Variants in NEB observed in about 807,000 individuals in gnomAD.
The protein encoded by NEB is nebulin.
NEB carries 512 observed loss-of-function variants against 952.2 expected under a neutral mutation model. The observed-to-expected ratio is 0.54, with a 90% CI of 0.50 to 0.58. NEB has a LOEUF of 0.58. NEB is among the 20% of genes least tolerant of loss of function. NEB has a pLI of 0.00. For missense variants in NEB, 8,428 were observed against 9,231.1 expected, an observed-to-expected ratio of 0.91 and a Z score of 3.56; for synonymous variants, 2,900 against 3,149.8, an observed-to-expected ratio of 0.92 and a Z score of 2.66.
intron 173 of NEB, among the ~76,000 whole-genome samples, chr2:151,494,627 C>CTGTT (rs758679628): frequency 6.6e-6 from 1 of 151,938 alleles, no homozygotes; most frequent in Non-Finnish European, 1.5e-5. Flanking sequence ...AATACATCAG[C>CTGTT]TGTTTGTTTT....
At chr2:151,609,717 C>G in intron 81 of NEB, 92 bp downstream of exon 81, 1 of 1,278,542 alleles carries the variant, frequency 7.8e-7, no homozygotes, top group Non-Finnish European at 1.1e-6. Flanking sequence ...GTGCAGTGCA[C>G]AGCCCAGGGG....
chr2:151,644,674 G>A, intron 55 of NEB, 99 bp from the exon 56 acceptor site: 3 of 962,834 alleles, frequency 3.1e-6, no homozygotes, highest in East Asian at 2.5e-5. Context: ...CATGAGAATA[G>A]CATCTGTGCC....
chr2:151,570,478 G>A lies in NEB; in HGVS notation c.17118+19C>T. On this transcript the variant is annotated intron_variant, in intron 108 of 181. Transcript: ENST00000397345. ...TCGGCTGAAAAAAAAAAACTGAGAA[G>A]TTAAAAAAGGCCACTCACGTCACTG... 1 of 1,585,410 alleles carries A rather than the reference G, an allele frequency of 6.3e-7. No individual in the cohort carries two copies. Among genetic ancestry groups the A allele is most frequent in the Non-Finnish European group, 8.5e-7 (1 of 1,170,216 alleles).
intron 126 of NEB, 33 bp downstream of exon 126, chr2:151,553,795 C>A: frequency 6.4e-7 from 1 of 1,570,930 alleles, no homozygotes; most frequent in South Asian, 1.2e-5. Flanking sequence ...GGGGCGGGGC[C>A]GTGGAGGGGT....
chr2:151,536,977 T>TAG lies in NEB; in HGVS notation c.21207+154_21207+155insCT, dbSNP rs2093311141. On this transcript the variant is annotated intron_variant, in intron 141 of 181. Coordinates refer to ENST00000397345, the MANE Select transcript of NEB (RefSeq NM_001164508.2). ...GTCAATGAGATTAAAACCCAAGAGTTTCCTAGCAGTGAACAAGTAAGTATG... is the reference window on the plus strand; with the variant it reads ...GTCAATGAGATTAAAACCCAAGAGTTAGTCCTAGCAGTGAACAAGTAAGTATG... Among the ~76,000 whole-genome samples, 3 of 152,128 alleles carry TAG rather than the reference T, an allele frequency of 2.0e-5. No individual in the cohort carries two copies. The East Asian group carries it at 5.8e-4, about 29-fold the overall frequency.
chr2:151,526,067 T>C lies in NEB; in HGVS notation c.22052A>G (p.Asn7351Ser). 1 of 1,613,752 alleles carries C rather than the reference T, an allele frequency of 6.2e-7. No individual in the cohort carries two copies. Among genetic ancestry groups the C allele is most frequent in the Non-Finnish European group, 8.5e-7 (1 of 1,179,628 alleles). Residue 7351 changes from asparagine to serine, a missense_variant and splice_region_variant, in exon 150 of 182, where the codon AAC becomes AGC. By Grantham distance (46) the Asn-to-Ser change is conservative. This residue lies in a region of NEB where 3,374 missense variants were observed against 3,651.5 expected (regional missense o/e 0.92). Coordinates refer to ENST00000397345, the MANE Select transcript of NEB (RefSeq NM_001164508.2). Reference protein sequence around the residue: ...AKTVSNLVSENKYKDHVKKHL... With the variant: ...AKTVSNLVSESKYKDHVKKHL... ...CTTCTTGACATGGTCCTTGTACTTG[T>C]TCTGGGGGAATCCATAGAGAGCTCA... is the stretch of plus-strand genomic sequence containing the variant.
At position 151,525,939 on chromosome 2, in the gene NEB, C is replaced by T. The variant is rs780036345; in HGVS notation, c.22161+19G>A. 5.0e-6 allele frequency: 8 copies of T among 1,588,812 alleles called. No homozygotes were observed. The highest frequency in any genetic ancestry group is 6.9e-6 in the Non-Finnish European group (8 of 1,156,992). On this transcript the variant is annotated intron_variant, in intron 150 of 181. Transcript: ENST00000397345. ...AAGTGGCATTGTTGCTGCCAAGAGA[C>T]CGGTGGTTGATCACTTACATCACTG...
At chr2:151,631,616 AT>A (rs2098669583) in intron 65 of NEB, among the ~76,000 whole-genome samples, 1 of 152,196 alleles carries the variant, frequency 6.6e-6, no homozygotes, top group Non-Finnish European at 1.5e-5. Context: ...CATTATCATA[AT>A]TATAACATCC....
At chr2:151,534,229 C>G in intron 142 of NEB, 1 of 1,613,370 alleles carries the variant, frequency 6.2e-7, no homozygotes, top group Non-Finnish European at 8.5e-7. Flanking sequence ...CTGATCTGGT[C>G]GCCTGCGGTC....
chr2:151,505,882 T>C, intron 164 of NEB: 1 of 545,742 alleles, frequency 1.8e-6, no homozygotes, highest in Non-Finnish European at 3.3e-6. Flanking sequence ...GATAAACAGA[T>C]TGACATACAT....
intron 168 of NEB, 111 bp from the exon 169 acceptor site, chr2:151,499,501 G>T: frequency 1.5e-6 from 1 of 654,852 alleles, no homozygotes; most frequent in South Asian, 1.6e-5. Context: ...AGAAAAGACA[G>T]ATTCAACAAG....
intron 13 of NEB, among the ~76,000 whole-genome samples, chr2:151,705,221 C>T (rs768601398): frequency 4.6e-5 from 7 of 152,094 alleles, no homozygotes; most frequent in Non-Finnish European, 5.9e-5. Flanking sequence ...AACTCTTCTT[C>T]TCTGCCAGGA....
At chr2:151,573,754 T>C (rs1205080227) in intron 107 of NEB, among the ~76,000 whole-genome samples, 1 of 152,214 alleles carries the variant, frequency 6.6e-6, no homozygotes, top group African/African-American at 2.4e-5. Flanking sequence ...CATACTATTC[T>C]ACACACAAGT....
intron 27 of NEB, among the ~76,000 whole-genome samples, chr2:151,686,524 A>T (rs2148908114): frequency 1.3e-5 from 2 of 152,354 alleles, no homozygotes; most frequent in South Asian, 4.1e-4. Flanking sequence ...CTATATACTG[A>T]CATAATTCAC....
chr2:151,555,111 C>A, intron 124 of NEB, 67 bp from the exon 125 acceptor site: 1 of 1,150,234 alleles, frequency 8.7e-7, no homozygotes, highest in Non-Finnish European at 1.3e-6. Context: ...ATTAAAACAG[C>A]ATAAGACTTA....
rs1185596471 is a variant in NEB at position 151,643,950 on chromosome 2, C to A, written c.7824G>T (p.Gly2608=). 6.2e-7 allele frequency: 1 copy of A among 1,613,766 alleles called. No individual in the cohort carries two copies. Among genetic ancestry groups the A allele is most frequent in the East Asian group, 2.2e-5 (1 of 44,882 alleles). ...TKFSSPVDML[G]VVLAKKCQTL... ...TCTGGCACTTCTTGGCCAACACCAC[C>A]CCCAGCATGTCCACTGGGCTGCTGA... The change falls in exon 57 of 182, where the codon GGG becomes GGT. Residue 2608 remains glycine (G), a synonymous_variant. Transcript: ENST00000397345.
chr2:151,552,596 A>G lies in NEB; in HGVS notation c.19836+76T>C, dbSNP rs2095407380. 6 of 1,012,518 alleles carry G rather than the reference A, an allele frequency of 5.9e-6. No homozygotes were observed. The Admixed American group carries it at 1.2e-4, about 20-fold the overall frequency. The allele number at this position is 1,012,518 out of a possible 1,614,324, so 62.7% of individuals were successfully genotyped here. On this transcript the variant is annotated intron_variant, in intron 128 of 181. Transcript: ENST00000397345. ...GAAAAGACTTGGCACTGCCCAGTCT[A>G]TGGTTTTTGCCACCTCTGCTTGAGT...
At chr2:151,546,556 A>ATT in intron 133 of NEB, 113 bp from the exon 134 acceptor site, 6 of 460,864 alleles carry the variant, frequency 1.3e-5, no homozygotes, top group South Asian at 1.1e-4. Context: ...TGGTTCATCT[A>ATT]CTTTTTTTTT....
chr2:151,718,158 C>T (rs1368686583), intron 9 of NEB, among the ~76,000 whole-genome samples: 1 of 152,054 alleles, frequency 6.6e-6, no homozygotes, highest in Non-Finnish European at 1.5e-5. Flanking sequence ...TGGCCAACTT[C>T]CTCTGTTCTT....
Sources: gnomAD v4.1 joint callset for allele counts (sites outside exome capture counted in the v4.1 genomes callset) on GRCh38, gnomAD v4.1.1 for gene constraint, gnomAD v4.1.1 regional missense constraint, MANE v1.5 for transcripts, NCBI Gene and HGNC (gene_info 2026-07-23, HGNC 2026-07-21) for gene names.